Variants in RASGEF1C observed in about 807,000 individuals in gnomAD.
RASGEF1C encodes the protein RasGEF domain family member 1C, also known as ras-GEF domain-containing family member 1C.
Under a neutral mutation model 58.1 loss-of-function variants are expected in RASGEF1C, and 27 were observed. The observed-to-expected ratio is 0.46, with a 90% CI of 0.34 to 0.64. The LOEUF (loss-of-function observed/expected upper bound fraction) is 0.64, where lower values mean the gene tolerates loss of function less well. Among genes scored for constraint, RASGEF1C ranks in the 30% least tolerant of loss-of-function variants. The pLI, the probability that RASGEF1C is intolerant of heterozygous loss-of-function variation, is 0.01. For synonymous variants in RASGEF1C, 243 were observed against 246.3 expected (o/e 0.99, Z 0.13); for missense variants, 502 against 605.1 (o/e 0.83, Z 1.79).
At chr5:180,117,489 C>T (rs1056948084) in intron 10 of RASGEF1C, among the ~76,000 whole-genome samples, 1 of 152,336 alleles carries the variant, frequency 6.6e-6, no homozygotes. Context: ...CCGCATGGCA[C>T]GGGCCTTCAA....
chr5:180,126,091 G>T (rs1209397146), intron 6 of RASGEF1C, among the ~76,000 whole-genome samples: 2 of 111,784 alleles, frequency 1.8e-5, no homozygotes, highest in Admixed American at 1.8e-4. Context: ...TTTGGAAATG[G>T]CCCCAAACCA....
At chr5:180,133,269 C>T (rs1169712177) in intron 4 of RASGEF1C, among the ~76,000 whole-genome samples, 1 of 152,208 alleles carries the variant, frequency 6.6e-6, no homozygotes, top group South Asian at 2.1e-4. Context: ...GGAGAATGGC[C>T]TCCTCAGTCC....
intron 1 of RASGEF1C, among the ~76,000 whole-genome samples, chr5:180,173,718 G>A (rs58904495): frequency 6.6e-6 from 1 of 152,070 alleles, no homozygotes; most frequent in African/African-American, 2.4e-5. Flanking sequence ...TTTGAGACCA[G>A]CCTGGCCAAC....
intron 1 of RASGEF1C, among the ~76,000 whole-genome samples, chr5:180,176,556 CT>C (rs538002188): frequency 0.16 from 21,519 of 138,298 alleles, 1,643 homozygotes; most frequent in African/African-American, 0.22. Context: ...AAGGCTAATA[CT>C]TTTTTTTTTT....
In RASGEF1C at chr5:180,128,556, C is replaced by T. The variant is rs1384236384; in HGVS notation, c.493G>A (p.Ala165Thr). 6.2e-7 allele frequency: 1 copy of T among 1,614,074 alleles called. No individual in the cohort carries two copies. The highest frequency in any genetic ancestry group is 1.1e-5 in the South Asian group (1 of 91,074). Residue 165 changes from alanine to threonine, a missense_variant, in exon 5 of 14, where the codon GCT (alanine) becomes ACT (threonine). Physicochemically the swap from Ala to Thr is moderately conservative, Grantham distance 58. Coordinates refer to ENST00000361132, the MANE Select transcript of RASGEF1C (RefSeq NM_175062.4). ...LLQALHQKLA[A>T]LRQGPEGLVG... ...AGACCTTCTGGCCCCTGGCGCAGAGCCGCCAGCTTCTGGTGCAGAGCCTGT... is the reference window on the plus strand; with the variant it reads ...AGACCTTCTGGCCCCTGGCGCAGAGTCGCCAGCTTCTGGTGCAGAGCCTGT...
rs1156831010 is a variant in RASGEF1C, at chr5:180,182,204, CAAAAAAA to C, written c.-7+26817_-7+26823del. 8.7e-3 allele frequency among the ~76,000 whole-genome samples: 198 copies of C among 22,768 alleles called. 1 individual carries two copies. The highest frequency in any genetic ancestry group is 0.029 in the African/African-American group (187 of 6,512). 14.9% of individuals were successfully genotyped at this position (22,768 alleles called of 152,430 possible). The stretch of plus-strand genomic sequence containing the variant: ...TGGGCAACAGAGCAAGACTCCGTCT[CAAAAAAA>C]AAAAAAAAAAAAAAAAAAAAGAATG... On this transcript the variant is annotated intron_variant, in intron 1 of 13. Coordinates refer to ENST00000361132, the MANE Select transcript of RASGEF1C (RefSeq NM_175062.4).
chr5:180,117,878 C>T lies in RASGEF1C; in HGVS notation c.1083+731G>A, dbSNP rs146705369. 4.4e-3 allele frequency among the ~76,000 whole-genome samples: 661 copies of T among 151,924 alleles called. 5 individuals carry two copies. Among genetic ancestry groups the T allele is most frequent in the African/African-American group, 0.015 (636 of 41,380 alleles). ...GCATGGTAGCATGTGCCTATAATCC[C>T]AGCTACTTGGGAGGCTGAGGCAGGA... On this transcript the variant is annotated intron_variant, in intron 10 of 13. Transcript: ENST00000361132.
At chr5:180,127,325 G>A (rs1766279290) in intron 6 of RASGEF1C, among the ~76,000 whole-genome samples, 1 of 152,140 alleles carries the variant, frequency 6.6e-6, no homozygotes, top group South Asian at 2.1e-4. Flanking sequence ...TGGCCCACCC[G>A]AGCAGCGCGG....
At chr5:180,124,882 A>G (rs1326831570) in intron 6 of RASGEF1C, among the ~76,000 whole-genome samples, 1 of 152,206 alleles carries the variant, frequency 6.6e-6, no homozygotes, top group Non-Finnish European at 1.5e-5. Context: ...CTGTAATCCC[A>G]GCACTTTGGG....
Position 180,143,893 on chromosome 5 carries a change from G to A in RASGEF1C, c.-6-5835C>T, listed in dbSNP as rs2113284759. Among the ~76,000 whole-genome samples the A allele has an allele frequency of 6.6e-6, 1 of 152,282 alleles. No homozygotes were observed. Among genetic ancestry groups the A allele is most frequent in the East Asian group, 1.9e-4 (1 of 5,170 alleles). On this transcript the variant is annotated intron_variant, in intron 1 of 13. Coordinates refer to ENST00000361132, the MANE Select transcript of RASGEF1C (RefSeq NM_175062.4). This position sits in a 1 kb window ranked among gnomAD's most constrained non-coding sequence, Gnocchi z 4.3. ...AGGTGGCTGGTCAGAGCGCGTCCTG[G>A]GGGCTGGAGGGATGTTCTCCCTGGG...
At chr5:180,176,746 T>C (rs181101930) in intron 1 of RASGEF1C, among the ~76,000 whole-genome samples, 3,811 of 151,978 alleles carry the variant, frequency 0.025, 156 homozygotes, top group African/African-American at 0.081. Flanking sequence ...TTAGTAGAGA[T>C]GGGGTTTCAC....
chr5:180,111,614 C>G (rs764651916), intron 11 of RASGEF1C, 34 bp from the exon 12 acceptor site: 1 of 1,613,702 alleles, frequency 6.2e-7, no homozygotes, highest in Non-Finnish European at 8.5e-7. Context: ...AATGGAGGCA[C>G]TCCAGTGCCT....
At chr5:180,127,493 C>T in intron 6 of RASGEF1C, 116 bp downstream of exon 6, 1 of 987,620 alleles carries the variant, frequency 1.0e-6, no homozygotes, top group Non-Finnish European at 1.4e-6. Context: ...CCCGAGCCCA[C>T]CTGTCCCACT....
intron 1 of RASGEF1C, among the ~76,000 whole-genome samples, chr5:180,190,497 A>G (rs1163766660): frequency 2.1e-5 from 2 of 94,576 alleles, no homozygotes; most frequent in African/African-American, 7.0e-5. Flanking sequence ...CTCAAAAAAA[A>G]AAAAAAAAAA....
chr5:180,102,888 G>C (rs1253633152), intron 12 of RASGEF1C, among the ~76,000 whole-genome samples: 1 of 152,096 alleles, frequency 6.6e-6, no homozygotes, highest in Non-Finnish European at 1.5e-5. Flanking sequence ...TAGTTCCTTT[G>C]ACTTCCGATA....
At chr5:180,149,383 G>C (rs1312209770) in intron 1 of RASGEF1C, among the ~76,000 whole-genome samples, 1 of 151,750 alleles carries the variant, frequency 6.6e-6, no homozygotes, top group African/African-American at 2.4e-5. Context: ...GTGAGCCACT[G>C]TGCCCGCCAA....
intron 1 of RASGEF1C, among the ~76,000 whole-genome samples, chr5:180,186,112 A>AG (rs1756031799): frequency 6.6e-6 from 1 of 151,876 alleles, no homozygotes; most frequent in East Asian, 1.9e-4. Context: ...AAAAAAAAAA[A>AG]AAAAAAAAAA....
At chr5:180,201,674 G>A (rs552503959) in intron 1 of RASGEF1C, among the ~76,000 whole-genome samples, 1 of 152,168 alleles carries the variant, frequency 6.6e-6, no homozygotes, top group Non-Finnish European at 1.5e-5. Flanking sequence ...GGAAGTTTAC[G>A]TCCCCCAAAA....
chr5:180,148,387 G>GT (rs59348293), intron 1 of RASGEF1C, among the ~76,000 whole-genome samples: 10 of 151,282 alleles, frequency 6.6e-5, no homozygotes, highest in African/African-American at 2.4e-4. Context: ...CCATTTTGCT[G>GT]TTTTTTTTTT....
Sources: allele counts gnomAD v4.1 joint callset (sites outside exome capture counted in the v4.1 genomes callset), GRCh38; gene constraint gnomAD v4.1.1; non-coding constraint Gnocchi (gnomAD v3.1); transcripts MANE v1.5; gene names NCBI Gene and HGNC (gene_info 2026-07-23, HGNC 2026-07-21).